CLSTN2: variants seen among roughly 807,000 people sequenced by gnomAD.
CLSTN2 encodes calsyntenin 2, also known as calsyntenin-2.
Under a neutral mutation model 101.2 loss-of-function variants are expected in CLSTN2, and 48 were observed. The ratio of observed to expected loss-of-function variants is 0.47; its 90% CI spans 0.38 to 0.60. The LOEUF is 0.60. CLSTN2 is among the 20% of genes least tolerant of loss of function. CLSTN2 has a pLI of 0.00. For synonymous variants in CLSTN2, 481 were observed against 463.6 expected, an observed-to-expected ratio of 1.04 and a Z score of -0.48; for missense variants, 1,160 against 1,238.2, an observed-to-expected ratio of 0.94 and a Z score of 0.95.
At position 140,564,121 on chromosome 3, in the gene CLSTN2, G is replaced by C. The variant is rs1385254912; in HGVS notation, c.2643G>C (p.Leu881=). The C allele has an allele frequency of 6.2e-7, 1 of 1,614,070 alleles. No homozygotes were observed. Reference sequence around the variant, plus strand: ...AGATGGACTGGGACGATTCTGCGCTGACTATCACAGTCAACCCCATGGAGG... The same window carrying C: ...AGATGGACTGGGACGATTCTGCGCTCACTATCACAGTCAACCCCATGGAGG... ...ESEMDWDDSA[L]TITVNPMEKH... Residue 881 remains leucine (L), a synonymous_variant, in exon 16 of 17, where the codon CTG becomes CTC. Coordinates refer to ENST00000458420, the MANE Select transcript of CLSTN2 (RefSeq NM_022131.3).
At chr3:140,077,942 C>G (rs983643986) in intron 1 of CLSTN2, among the ~76,000 whole-genome samples, 1 of 152,168 alleles carries the variant, frequency 6.6e-6, no homozygotes, top group Admixed American at 6.5e-5. Flanking sequence ...AGTTCCTTCT[C>G]AAGGGAAGTT....
intron 2 of CLSTN2, among the ~76,000 whole-genome samples, chr3:140,333,007 T>C (rs765783199): frequency 6.6e-6 from 1 of 152,186 alleles, no homozygotes; most frequent in Non-Finnish European, 1.5e-5. Context: ...AGGGAGTCCA[T>C]GATCCTGCAC....
intron 2 of CLSTN2, among the ~76,000 whole-genome samples, chr3:140,272,255 T>C (rs994773411): frequency 1.3e-5 from 2 of 152,230 alleles, no homozygotes; most frequent in African/African-American, 4.8e-5. Flanking sequence ...ACTGGCTGAA[T>C]GGCCTTGGGC....
chr3:140,268,022 G>A, intron 2 of CLSTN2, among the ~76,000 whole-genome samples: 1 of 152,098 alleles, frequency 6.6e-6, no homozygotes, highest in East Asian at 1.9e-4. Context: ...CATAAAATGG[G>A]GAATGAATTG....
At chr3:140,547,427 T>G (rs912586416) in intron 10 of CLSTN2, among the ~76,000 whole-genome samples, 1 of 151,170 alleles carries the variant, frequency 6.6e-6, no homozygotes, top group African/African-American at 2.4e-5. Context: ...TGAGCTAAGA[T>G]CGCACCAATG....
At chr3:140,259,318 A>G (rs927001734) in intron 2 of CLSTN2, among the ~76,000 whole-genome samples, 1 of 151,974 alleles carries the variant, frequency 6.6e-6, no homozygotes, top group African/African-American at 2.4e-5. Flanking sequence ...TACTAAAAAT[A>G]CAAAAATTAG....
At chr3:140,427,750 C>CT (rs903019972) in intron 5 of CLSTN2, among the ~76,000 whole-genome samples, 29 of 151,874 alleles carry the variant, frequency 1.9e-4, no homozygotes, top group South Asian at 6.2e-4. Context: ...TCTCTATTTT[C>CT]TTTTTTTTAT....
intron 1 of CLSTN2, among the ~76,000 whole-genome samples, chr3:140,172,134 C>T (rs1017107515): frequency 3.4e-5 from 5 of 147,668 alleles, no homozygotes; most frequent in Non-Finnish European, 7.4e-5. Flanking sequence ...AGTTTGGCAT[C>T]GGAACAATTT....
At chr3:139,952,407 T>A (rs1935309882) in intron 1 of CLSTN2, among the ~76,000 whole-genome samples, 1 of 152,206 alleles carries the variant, frequency 6.6e-6, no homozygotes, top group African/African-American at 2.4e-5. Flanking sequence ...TCATGCCCAC[T>A]CTTCTGACTT....
chr3:140,311,692 GAT>G (rs992087048), intron 2 of CLSTN2, among the ~76,000 whole-genome samples: 5 of 152,048 alleles, frequency 3.3e-5, no homozygotes, highest in African/African-American at 7.2e-5. Context: ...AACACCATGA[GAT>G]AAGTGCTATT....
At chr3:140,129,122 G>A (rs2009482742) in intron 1 of CLSTN2, among the ~76,000 whole-genome samples, 2 of 152,074 alleles carry the variant, frequency 1.3e-5, no homozygotes, top group African/African-American at 2.4e-5. Context: ...GCATAGAGCT[G>A]AGCCCAGTTT....
rs1936023413 is a variant in CLSTN2 at position 140,566,164 on chromosome 3, G to A, written c.2779G>A (p.Glu927Lys). ...SGSDDSEEEE[E>K]EEGMGRGRHG... ...CTCTGACGACAGCGAAGAGGAGGAG[G>A]AGGAGGAAGGGATGGGCAGAGGCAG... The change falls in exon 17 of 17, where the codon GAG becomes AAG. Residue 927 changes from glutamate to lysine, a missense_variant. Glu to Lys is a moderately conservative substitution (Grantham distance 56). Coordinates refer to ENST00000458420, the MANE Select transcript of CLSTN2 (RefSeq NM_022131.3). 6.2e-7 allele frequency: 1 copy of A among 1,612,830 alleles called. No homozygotes were observed. The highest frequency in any genetic ancestry group is 8.5e-7 in the Non-Finnish European group (1 of 1,179,472).
intron 1 of CLSTN2, among the ~76,000 whole-genome samples, chr3:140,074,465 G>C (rs2008452988): frequency 6.6e-6 from 1 of 152,204 alleles, no homozygotes; most frequent in Non-Finnish European, 1.5e-5. Context: ...AGCAGATGGA[G>C]AGATGAGGGA....
chr3:140,104,228 G>A (rs1433380243), intron 1 of CLSTN2, among the ~76,000 whole-genome samples: 1 of 152,170 alleles, frequency 6.6e-6, no homozygotes, highest in Non-Finnish European at 1.5e-5. Flanking sequence ...TCCACAGACA[G>A]TTCCTCCCAC....
intron 1 of CLSTN2, among the ~76,000 whole-genome samples, chr3:140,022,059 C>T (rs560528604): frequency 7.9e-5 from 12 of 152,264 alleles, no homozygotes; most frequent in East Asian, 1.9e-4. Context: ...GCTTATGCTA[C>T]GAACTCTGGG....
chr3:139,977,905 C>T (rs185233116), intron 1 of CLSTN2, among the ~76,000 whole-genome samples: 8 of 152,248 alleles, frequency 5.3e-5, no homozygotes, highest in East Asian at 1.9e-4. Context: ...CTCTGCTCAG[C>T]GTGTTCTTAA....
chr3:140,268,515 T>C lies in CLSTN2; in HGVS notation c.232+92442T>C, dbSNP rs544527965. Reference sequence around the variant, plus strand: ...GACACAGGCAGGCAGGACTGGGTGTTGTGAGCTTTCATGTGGCACTCTGGG... The same window carrying C: ...GACACAGGCAGGCAGGACTGGGTGTCGTGAGCTTTCATGTGGCACTCTGGG... On this transcript the variant is annotated intron_variant, in intron 2 of 16. Coordinates refer to ENST00000458420, the MANE Select transcript of CLSTN2 (RefSeq NM_022131.3). Among the ~76,000 whole-genome samples, 25 of 152,322 alleles carry C rather than the reference T, an allele frequency of 1.6e-4. 1 individual carries two copies. The East Asian group carries it at 3.3e-3, about 20-fold the overall frequency.
intron 16 of CLSTN2, 53 bp downstream of exon 16, chr3:140,564,198 C>A: frequency 6.5e-7 from 1 of 1,549,274 alleles, no homozygotes; most frequent in Non-Finnish European, 8.9e-7. Context: ...TCCCTCTACC[C>A]AGCTCAACCC....
At chr3:140,431,565 T>A (rs779258825) in intron 5 of CLSTN2, among the ~76,000 whole-genome samples, 13 of 152,230 alleles carry the variant, frequency 8.5e-5, no homozygotes, top group Non-Finnish European at 1.8e-4. Flanking sequence ...ATCTCTCCTC[T>A]TTATCAATAA....
Sources: gnomAD v4.1 joint callset for allele counts (sites outside exome capture counted in the v4.1 genomes callset) on GRCh38, gnomAD v4.1.1 for gene constraint, MANE v1.5 for transcripts, NCBI Gene and HGNC (gene_info 2026-07-23, HGNC 2026-07-21) for gene names.